IGF1: variants seen among roughly 807,000 people sequenced by gnomAD.
The protein encoded by IGF1 is insulin-like growth factor 1.
A neutral mutation model predicts 13.8 loss-of-function variants in IGF1; 4 were observed. The ratio of observed to expected loss-of-function variants is 0.29; its 90% CI spans 0.14 to 0.66. IGF1 has a LOEUF of 0.66. Ranked by LOEUF, IGF1 falls within the 30% of genes least tolerant of loss-of-function variation. The probability of loss-of-function intolerance (pLI) is 0.78; values close to 1 mark genes in which losing one functional copy is unlikely to be tolerated. For synonymous variants in IGF1, 76 were observed against 72.6 expected (o/e 1.05, Z -0.23); for missense variants, 124 against 188.5 (o/e 0.66, Z 2.00).
chr12:102,461,689 C>T (rs1879907645), intron 2 of IGF1, among the ~76,000 whole-genome samples: 1 of 152,156 alleles, frequency 6.6e-6, no homozygotes, highest in Non-Finnish European at 1.5e-5. Context: ...ATTGCAGCTA[C>T]AGCAATTAGA....
At chr12:102,464,673 A>G (rs1414942051) in intron 2 of IGF1, among the ~76,000 whole-genome samples, 1 of 151,920 alleles carries the variant, frequency 6.6e-6, no homozygotes, top group Non-Finnish European at 1.5e-5. Flanking sequence ...GGATAGAAGA[A>G]CCACAGGGTC....
chr12:102,427,491 T>C (rs887924659), intron 2 of IGF1, among the ~76,000 whole-genome samples: 2 of 152,214 alleles, frequency 1.3e-5, no homozygotes, highest in African/African-American at 4.8e-5. Context: ...CTTTTTTTCT[T>C]TGTAACTTGG....
At chr12:102,450,642 A>G (rs1396863119) in intron 2 of IGF1, among the ~76,000 whole-genome samples, 1 of 152,202 alleles carries the variant, frequency 6.6e-6, no homozygotes. Context: ...TACAGGGCAC[A>G]TTTGCCTTTC....
intron 1 of IGF1, 152 bp from the exon 2 acceptor site, chr12:102,475,951 G>A (rs1881000788): frequency 2.4e-6 from 2 of 821,518 alleles, no homozygotes; most frequent in African/African-American, 3.4e-5. Flanking sequence ...TGAGAACCCA[G>A]AGGGAGTTGT....
chr12:102,431,998 A>G (rs1876780989), intron 2 of IGF1, among the ~76,000 whole-genome samples: 1 of 152,316 alleles, frequency 6.6e-6, no homozygotes, highest in South Asian at 2.1e-4. Context: ...GCATAAAGTT[A>G]TAACAACTTT....
chr12:102,478,765 C>A, intron 1 of IGF1: 1 of 688,760 alleles, frequency 1.5e-6, no homozygotes, highest in Non-Finnish European at 2.1e-6. Context: ...CCATTGTATG[C>A]CTATTGTAGC....
intron 2 of IGF1, among the ~76,000 whole-genome samples, chr12:102,447,105 T>A (rs1296763728): frequency 6.6e-6 from 1 of 152,204 alleles, no homozygotes. Flanking sequence ...TGTTATGATT[T>A]CCATTCTTTT....
chr12:102,427,521 G>C (rs1033873125), intron 2 of IGF1, among the ~76,000 whole-genome samples: 2 of 152,060 alleles, frequency 1.3e-5, no homozygotes, highest in African/African-American at 2.4e-5. Context: ...TCTGTTCTCA[G>C]GGGCCCTGCA....
intron 2 of IGF1, among the ~76,000 whole-genome samples, chr12:102,445,534 G>T (rs1237223507): frequency 6.6e-6 from 1 of 152,124 alleles, no homozygotes; most frequent in African/African-American, 2.4e-5. Flanking sequence ...TTGGCTCTCT[G>T]TTTGTCTGTT....
chr12:102,474,349 T>C lies in IGF1; in HGVS notation c.220+1294A>G, dbSNP rs17882126. On this transcript the variant is annotated intron_variant, in intron 2 of 3. Transcript: ENST00000337514. ...CTGGCTGGAAGCAAATAGTGGGAATTTGCCTATTCAAATAGTAGAAGGCAC... is the reference window on the plus strand; with the variant it reads ...CTGGCTGGAAGCAAATAGTGGGAATCTGCCTATTCAAATAGTAGAAGGCAC... Among the ~76,000 whole-genome samples the C allele has an allele frequency of 2.9e-3, 435 of 152,326 alleles. 5 individuals are homozygous for C. The highest frequency in any genetic ancestry group is 9.8e-3 in the African/African-American group (406 of 41,566).
At chr12:102,461,571 T>C (rs1487784551) in intron 2 of IGF1, among the ~76,000 whole-genome samples, 1 of 152,210 alleles carries the variant, frequency 6.6e-6, no homozygotes, top group African/African-American at 2.4e-5. Context: ...TTTCTTTTTT[T>C]GAAGCACTCT....
At chr12:102,470,597 A>G (rs1880625555) in intron 2 of IGF1, among the ~76,000 whole-genome samples, 2 of 152,154 alleles carry the variant, frequency 1.3e-5, no homozygotes, top group African/African-American at 4.8e-5. Flanking sequence ...ACATGTACCA[A>G]TTAGTTTCAA....
rs989428467 is a variant in IGF1, at chr12:102,452,789, G to A, written c.220+22854C>T. 3.9e-5 allele frequency among the ~76,000 whole-genome samples: 6 copies of A among 152,332 alleles called. No homozygotes were observed. In the South Asian group the frequency reaches 1.0e-3, roughly 26 times the overall value. On this transcript the variant is annotated intron_variant, in intron 2 of 3. Transcript: ENST00000337514. ...AGCCAGAAAGAGCTGGGTCAAAGAGGAGCGCTTGGGCTGGAATCTGCCAGA... is the reference window on the plus strand; with the variant it reads ...AGCCAGAAAGAGCTGGGTCAAAGAGAAGCGCTTGGGCTGGAATCTGCCAGA...
rs1242860553 is a variant in IGF1, at chr12:102,398,098, A to AC, written c.*4408_*4409insG. ...AGACTGTATAAAGTAAAAAAAAAAA[A>AC]AAAACAAAAACAAGAAACAAAAAAT... On this transcript the variant is annotated 3_prime_UTR_variant, in exon 4 of 4. Transcript: ENST00000337514. 1.8e-4 allele frequency: 28 copies of AC among 151,876 alleles called. No individual in the cohort carries two copies. The highest frequency in any genetic ancestry group is 4.1e-4 in the African/African-American group (17 of 41,370). The allele number at this position is 151,876 out of a possible 1,614,324, so 9.4% of individuals were successfully genotyped here.
chr12:102,475,597 G>A, intron 2 of IGF1, 46 bp downstream of exon 2: 1 of 1,606,138 alleles, frequency 6.2e-7, no homozygotes, highest in Non-Finnish European at 8.5e-7. Context: ...CCACAGAGCT[G>A]TACACTTTAG....
chr12:102,454,180 A>G (rs1406403647), intron 2 of IGF1, among the ~76,000 whole-genome samples: 1 of 152,156 alleles, frequency 6.6e-6, no homozygotes, highest in Non-Finnish European at 1.5e-5. Flanking sequence ...GAATTTTTCC[A>G]TCTATCAAAA....
At chr12:102,473,222 G>C (rs1175430617) in intron 2 of IGF1, among the ~76,000 whole-genome samples, 1 of 152,034 alleles carries the variant, frequency 6.6e-6, no homozygotes, top group Non-Finnish European at 1.5e-5. Flanking sequence ...AAACATAAAG[G>C]ATATAATTTA....
rs2136940025 is a variant in IGF1, at chr12:102,402,457, C to T, written c.*50G>A. On this transcript the variant is annotated 3_prime_UTR_variant, in exon 4 of 4. Transcript: ENST00000337514. ...AGTTTAACAGGTAACTCGTGCAGAGCAAAGGATCCTGCGGTGGCATGTCAC... is the reference window on the plus strand; with the variant it reads ...AGTTTAACAGGTAACTCGTGCAGAGTAAAGGATCCTGCGGTGGCATGTCAC... 1 of 780,516 alleles carries T rather than the reference C, an allele frequency of 1.3e-6. No individual in the cohort carries two copies. Among genetic ancestry groups the T allele is most frequent in the Non-Finnish European group, 2.4e-6 (1 of 417,776 alleles). 48.3% of individuals were successfully genotyped at this position (780,516 alleles called of 1,614,324 possible).
chr12:102,466,545 T>G (rs920458795), intron 2 of IGF1, among the ~76,000 whole-genome samples: 6 of 152,152 alleles, frequency 3.9e-5, no homozygotes, highest in Admixed American at 1.3e-4. Context: ...GTGTTGAGGC[T>G]GAAAAACTCT....
Sources: gnomAD v4.1 joint callset for allele counts (sites outside exome capture counted in the v4.1 genomes callset) on GRCh38, gnomAD v4.1.1 for gene constraint, MANE v1.5 for transcripts, NCBI Gene and HGNC (gene_info 2026-07-23, HGNC 2026-07-21) for gene names.